Variants in SORT1 observed in about 807,000 individuals in gnomAD.
SORT1 encodes the protein sortilin.
SORT1 carries 39 observed loss-of-function variants against 101.7 expected under a neutral mutation model. The observed-to-expected ratio is 0.38, with a 90% CI of 0.30 to 0.50. The LOEUF is 0.50. SORT1 is among the 20% of genes least tolerant of loss of function. The probability of loss-of-function intolerance (pLI) is 0.90; values close to 1 mark genes in which losing one functional copy is unlikely to be tolerated. For synonymous variants in SORT1, 396 were observed against 393.7 expected (o/e 1.01, Z -0.07); for missense variants, 878 against 1,040.4 (o/e 0.84, Z 2.15).
Position 109,310,584 on chromosome 1 carries a change from C to T in SORT1, c.*3459G>A, listed in dbSNP as rs894934449. The stretch of plus-strand genomic sequence containing the variant: ...ATGGTAGCAAAGTTGAAAGCCGAAT[C>T]CCTTCCTATTTTAGCACTTCCAAGT... On this transcript the variant is annotated 3_prime_UTR_variant, in exon 20 of 20. Coordinates refer to ENST00000256637, the MANE Select transcript of SORT1 (RefSeq NM_002959.7). 6.5e-6 allele frequency: 1 copy of T among 153,700 alleles called. No individual in the cohort carries two copies. The highest frequency in any genetic ancestry group is 1.5e-5 in the Non-Finnish European group (1 of 68,048). 9.5% of individuals were successfully genotyped at this position (153,700 alleles called of 1,614,324 possible). A position where few individuals can be genotyped will look rare whatever the true frequency, so the allele number is the denominator to read the frequency against.
intron 15 of SORT1, 96 bp downstream of exon 15, chr1:109,322,836 G>T: frequency 9.8e-7 from 1 of 1,018,294 alleles, no homozygotes; most frequent in Non-Finnish European, 1.4e-6. Context: ...CACCGCACCC[G>T]GCTGGATTTC....
chr1:109,355,964 C>T (rs1276898014), intron 3 of SORT1, among the ~76,000 whole-genome samples: 2 of 152,038 alleles, frequency 1.3e-5, no homozygotes, highest in Non-Finnish European at 2.9e-5. Context: ...GTGCAATTCC[C>T]AGGCTCAAGT....
In SORT1 at chr1:109,312,782, G is replaced by A. The variant is rs461200; in HGVS notation, c.*1261C>T. On this transcript the variant is annotated 3_prime_UTR_variant, in exon 20 of 20. Transcript: ENST00000256637. ...TTCTATAATTTATTTAATTTAGAGA[G>A]GTATCAAATGGAAAACTTCTTTTAA... The A allele has an allele frequency of 0.7, 106,142 of 152,058 alleles. 37,601 individuals are homozygous for A. The highest frequency in any genetic ancestry group is 0.96 in the East Asian group (4,968 of 5,178). 9.4% of individuals were successfully genotyped at this position (152,058 alleles called of 1,614,324 possible).
chr1:109,342,213 A>T, intron 8 of SORT1, 55 bp from the exon 9 acceptor site: 1 of 1,349,114 alleles, frequency 7.4e-7, no homozygotes, highest in South Asian at 1.2e-5. Context: ...TGCCATGGGC[A>T]GGGACATGAA....
intron 3 of SORT1, among the ~76,000 whole-genome samples, chr1:109,356,447 T>C (rs1416020783): frequency 6.6e-6 from 1 of 152,152 alleles, no homozygotes; most frequent in Non-Finnish European, 1.5e-5. Flanking sequence ...TGACACTGAA[T>C]TGAATCGACC....
chr1:109,374,588 CA>C (rs1297031182), intron 1 of SORT1, among the ~76,000 whole-genome samples: 71 of 129,284 alleles, frequency 5.5e-4, no homozygotes, highest in Middle Eastern at 4.0e-3. Flanking sequence ...AACACCGTCT[CA>C]AAAAAAAAAA....
Position 109,354,352 on chromosome 1 carries a change from C to T in SORT1, c.708+15G>A. 6.2e-7 allele frequency: 1 copy of T among 1,603,884 alleles called. No homozygotes were observed. Among genetic ancestry groups the T allele is most frequent in the Non-Finnish European group, 8.5e-7 (1 of 1,172,904 alleles). On this transcript the variant is annotated intron_variant, in intron 5 of 19. Coordinates refer to ENST00000256637, the MANE Select transcript of SORT1 (RefSeq NM_002959.7). Reference sequence around the variant, plus strand: ...AAAATGCAAAAGGCAAACCATGTTCCTCAACTGGACTTACTTCAGTGCTGA... The same window carrying T: ...AAAATGCAAAAGGCAAACCATGTTCTTCAACTGGACTTACTTCAGTGCTGA...
Position 109,327,010 on chromosome 1 carries a change from C to T in SORT1, c.1625G>A (p.Arg542His), listed in dbSNP as rs200018778. 4.4e-5 allele frequency: 71 copies of T among 1,611,526 alleles called. No homozygotes were observed. Among genetic ancestry groups the T allele is most frequent in the Non-Finnish European group, 4.7e-5 (55 of 1,179,560 alleles). Residue 542 changes from arginine to histidine, a missense_variant, in exon 13 of 20, where the codon CGT becomes CAT. By Grantham distance (29) the Arg-to-His change is conservative. Around this residue, in one of 2 missense-constraint regions of SORT1, gnomAD observed 684 missense variants for 894.5 expected, o/e 0.76. Coordinates refer to ENST00000256637, the MANE Select transcript of SORT1 (RefSeq NM_002959.7). ...GIIVAIEHSS[R>H]PINVIKFSTD... ...TGCATACTTAATCACATTGATAGGACGGCTGCTGTGCTCAATGGCCACAAT... is the reference window on the plus strand; with the variant it reads ...TGCATACTTAATCACATTGATAGGATGGCTGCTGTGCTCAATGGCCACAAT...
rs527919214 is a variant in SORT1, at chr1:109,369,731, T to C, written c.307-142A>G. The stretch of plus-strand genomic sequence containing the variant: ...TGGGTATGGATTCCCAGTACAAAAT[T>C]TGGGAGGGATGGGATTTAACTACTT... On this transcript the variant is annotated intron_variant, in intron 1 of 19. Transcript: ENST00000256637. 188 of 643,134 alleles carry C rather than the reference T, an allele frequency of 2.9e-4. No individual in the cohort carries two copies. The African/African-American group carries it at 3.0e-3, about 10-fold the overall frequency. The allele number at this position is 643,134 out of a possible 1,614,324, so 39.8% of individuals were successfully genotyped here.
rs1446384775 is a variant in SORT1 at position 109,314,446 on chromosome 1, C to A, written c.2358-62G>T. The A allele has an allele frequency of 5.7e-6, 9 of 1,581,214 alleles. No individual in the cohort carries two copies. In the Admixed American group the frequency reaches 1.5e-4, roughly 26 times the overall value. ...CAGCAGGGGTGCACTTCTTACAGGA[C>A]TGTGGACTTTCTCAGTTTTATACAC... On this transcript the variant is annotated intron_variant, in intron 18 of 19. Transcript: ENST00000256637.
At position 109,369,592 on chromosome 1, in the gene SORT1, A is replaced by G. The variant is rs777102415; in HGVS notation, c.307-3T>C. 5.0e-6 allele frequency: 8 copies of G among 1,597,186 alleles called. No homozygotes were observed. Among genetic ancestry groups the G allele is most frequent in the Non-Finnish European group, 6.9e-6 (8 of 1,165,046 alleles). On this transcript the variant is annotated splice_polypyrimidine_tract_variant and splice_region_variant and intron_variant, in intron 1 of 19. Coordinates refer to ENST00000256637, the MANE Select transcript of SORT1 (RefSeq NM_002959.7). ...CCTCTGAGATCATCAAACACATGCT[A>G]TAAGGGGAAAAAAAATTAATTTAGA...
intron 11 of SORT1, 81 bp downstream of exon 11, chr1:109,336,159 A>G: frequency 1.2e-6 from 1 of 839,160 alleles, no homozygotes; most frequent in Non-Finnish European, 2.0e-6. Context: ...CAAGTATGAA[A>G]CTTCATCATC....
At chr1:109,342,437 C>T (rs1165705023) in intron 8 of SORT1, among the ~76,000 whole-genome samples, 1 of 152,166 alleles carries the variant, frequency 6.6e-6, no homozygotes, top group East Asian at 1.9e-4. Flanking sequence ...TAGTCTTGGT[C>T]TCTGATAGTC....
chr1:109,376,229 G>T (rs1351109724), intron 1 of SORT1, among the ~76,000 whole-genome samples: 2 of 151,574 alleles, frequency 1.3e-5, no homozygotes, highest in African/African-American at 4.8e-5. Flanking sequence ...ACTCGGAGAG[G>T]CTGAGGCAGG....
chr1:109,384,606 T>C (rs77779131), intron 1 of SORT1, among the ~76,000 whole-genome samples: 202 of 152,328 alleles, frequency 1.3e-3, no homozygotes, highest in African/African-American at 4.5e-3. Flanking sequence ...CTGTGAGTCA[T>C]TGTCTTAGTC....
chr1:109,369,857 T>C (rs1651377192), intron 1 of SORT1, among the ~76,000 whole-genome samples: 1 of 152,178 alleles, frequency 6.6e-6, no homozygotes, highest in Admixed American at 6.5e-5. Context: ...AGATGGGAGA[T>C]GGGACAATCT....
At chr1:109,349,883 C>T (rs1256026196) in intron 6 of SORT1, among the ~76,000 whole-genome samples, 1 of 152,164 alleles carries the variant, frequency 6.6e-6, no homozygotes, top group African/African-American at 2.4e-5. Flanking sequence ...TTCCTGATTC[C>T]TAGAGTACAG....
At chr1:109,329,001 T>C (rs528298280) in intron 11 of SORT1, among the ~76,000 whole-genome samples, 1 of 152,016 alleles carries the variant, frequency 6.6e-6, no homozygotes, top group African/African-American at 2.4e-5. Flanking sequence ...CCCTAGTGGA[T>C]TCCACTGCCA....
intron 10 of SORT1, among the ~76,000 whole-genome samples, chr1:109,339,696 A>G (rs1649080479): frequency 6.6e-6 from 1 of 152,232 alleles, no homozygotes; most frequent in South Asian, 2.1e-4. Context: ...AAAGAGAAAC[A>G]TGGAATTATC....
Sources: gnomAD v4.1 joint callset for allele counts (sites outside exome capture counted in the v4.1 genomes callset) on GRCh38, gnomAD v4.1.1 for gene constraint, gnomAD v4.1.1 regional missense constraint, MANE v1.5 for transcripts, NCBI Gene and HGNC (gene_info 2026-07-23, HGNC 2026-07-21) for gene names.